XPO7: variants seen among roughly 807,000 people sequenced by gnomAD.
The protein encoded by XPO7 is exportin-7.
A neutral mutation model predicts 144.3 loss-of-function variants in XPO7; 21 were observed. The observed-to-expected ratio is 0.15, with a 90% confidence interval of 0.10 to 0.21. XPO7 has a LOEUF of 0.21. Ranked by LOEUF, XPO7 falls within the 10% of genes least tolerant of loss-of-function variation. The pLI, the probability that XPO7 is intolerant of heterozygous loss-of-function variation, is 1.00. For missense variants in XPO7, 808 were observed against 1,325.8 expected (o/e 0.61, Z 6.06); for synonymous variants, 580 against 499.6 (o/e 1.16, Z -2.15).
intron 1 of XPO7, among the ~76,000 whole-genome samples, chr8:21,953,284 CT>C (rs1397435562): frequency 1.3e-5 from 2 of 152,168 alleles, no homozygotes; most frequent in African/African-American, 2.4e-5. Flanking sequence ...TTCTCCCCCC[CT>C]GCAAACTCCT....
At chr8:21,971,030 C>CT (rs1185160756) in intron 4 of XPO7, among the ~76,000 whole-genome samples, 4 of 152,030 alleles carry the variant, frequency 2.6e-5, no homozygotes, top group South Asian at 2.1e-4. Context: ...ACAGGTGTAG[C>CT]TTTTTAAAAA....
At chr8:22,000,432 T>C (rs1585485315) in intron 24 of XPO7, among the ~76,000 whole-genome samples, 1 of 151,934 alleles carries the variant, frequency 6.6e-6, no homozygotes, top group East Asian at 1.9e-4. Context: ...AACCATTTTG[T>C]TTCTAGGCTA....
rs1226849318 is a variant in XPO7 at position 21,976,476 on chromosome 8, T to C, written c.718T>C (p.Ser240Pro). Residue 240 changes from serine to proline, a missense_variant, in exon 7 of 28, where the codon TCA (serine) becomes CCA (proline). Ser to Pro is a moderately conservative substitution (Grantham distance 74). Coordinates refer to ENST00000252512, the MANE Select transcript of XPO7 (RefSeq NM_015024.5). ...DFIGTSTDES[S>P]DDLCTVQIPT... ...CATCGGCACTTCCACTGATGAGTCC[T>C]CAGACGACCTGTGTACAGTGCAGAT... is the stretch of plus-strand genomic sequence containing the variant. 6.2e-7 allele frequency: 1 copy of C among 1,613,982 alleles called. No homozygotes were observed.
At chr8:21,962,863 A>G (rs1301253805) in intron 1 of XPO7, among the ~76,000 whole-genome samples, 2 of 152,214 alleles carry the variant, frequency 1.3e-5, no homozygotes, top group African/African-American at 4.8e-5. Context: ...CTTATTGACT[A>G]TAAGAATGCC....
chr8:21,998,301 C>T (rs915026115), intron 21 of XPO7, among the ~76,000 whole-genome samples: 8 of 152,196 alleles, frequency 5.3e-5, no homozygotes, highest in African/African-American at 1.9e-4. Flanking sequence ...ATTAGCTGGG[C>T]GTGGTGGCGG....
At chr8:21,926,180 GAAAAC>G (rs1810453253) in intron 1 of XPO7, among the ~76,000 whole-genome samples, 1 of 151,986 alleles carries the variant, frequency 6.6e-6, no homozygotes, top group Admixed American at 6.5e-5. Context: ...TTTTCCTCTG[GAAAAC>G]AATGTTCCTC....
chr8:21,931,724 C>T (rs946904652), intron 1 of XPO7, among the ~76,000 whole-genome samples: 1 of 152,144 alleles, frequency 6.6e-6, no homozygotes, highest in Admixed American at 6.5e-5. Context: ...ATCAATTCTA[C>T]CTTAACTACT....
intron 1 of XPO7, chr8:21,966,198 G>T: frequency 1.4e-6 from 1 of 729,574 alleles, no homozygotes; most frequent in Non-Finnish European, 2.5e-6. Flanking sequence ...GTGAGCATAT[G>T]CTAGGGTTGA....
chr8:21,978,909 G>A (rs1343361619), intron 8 of XPO7, among the ~76,000 whole-genome samples: 3 of 152,184 alleles, frequency 2.0e-5, no homozygotes, highest in Non-Finnish European at 2.9e-5. Context: ...AGAGGGCAAG[G>A]GAGCTTGGCT....
chr8:21,973,572 A>C (rs1015388102), intron 5 of XPO7, among the ~76,000 whole-genome samples: 2 of 152,252 alleles, frequency 1.3e-5, no homozygotes, highest in African/African-American at 4.8e-5. Context: ...CACTATTCTT[A>C]CTTAGAACCT....
chr8:21,997,984 G>C (rs1326789931), intron 21 of XPO7, among the ~76,000 whole-genome samples: 1 of 152,114 alleles, frequency 6.6e-6, no homozygotes, highest in African/African-American at 2.4e-5. Context: ...TCTCTGTCTG[G>C]CTTCTTTTGG....
At chr8:21,965,829 G>C (rs1487363221) in intron 1 of XPO7, among the ~76,000 whole-genome samples, 2 of 152,152 alleles carry the variant, frequency 1.3e-5, no homozygotes, top group East Asian at 1.9e-4. Flanking sequence ...ATTTACACAG[G>C]TTGGTTTAAT....
At chr8:21,953,036 T>G (rs1176157175) in intron 1 of XPO7, among the ~76,000 whole-genome samples, 1 of 44,188 alleles carries the variant, frequency 2.3e-5, no homozygotes, top group East Asian at 4.9e-4. Context: ...TCCCCACCCC[T>G]GCCCCCGCCC....
At chr8:21,942,188 G>A (rs1011686720) in intron 1 of XPO7, among the ~76,000 whole-genome samples, 7 of 152,138 alleles carry the variant, frequency 4.6e-5, no homozygotes, top group Non-Finnish European at 5.9e-5. Flanking sequence ...GTTTAAAGTG[G>A]TGCAGGACTC....
chr8:21,963,136 T>G (rs1194650169), intron 1 of XPO7, among the ~76,000 whole-genome samples: 1 of 152,216 alleles, frequency 6.6e-6, no homozygotes, highest in Admixed American at 6.5e-5. Context: ...GTAAATCTAC[T>G]CTAAGTTTTC....
At chr8:21,940,881 G>GGA in intron 1 of XPO7, among the ~76,000 whole-genome samples, 1 of 152,122 alleles carries the variant, frequency 6.6e-6, no homozygotes, top group East Asian at 1.9e-4. Flanking sequence ...GGATGCATCT[G>GGA]TAGTTTTCAG....
At position 21,989,051 on chromosome 8, in the gene XPO7, G is replaced by A; in HGVS notation, c.1836G>A (p.Lys612=). ...GCCGTTGTGAACCAATCACCTCCAAGACACTACAGCTTCTCAATGACCTGT... is the reference window on the plus strand; with the variant it reads ...GCCGTTGTGAACCAATCACCTCCAAAACACTACAGCTTCTCAATGACCTGT... ...YWGRCEPITS[K]TLQLLNDLSI... Residue 612 remains lysine (K), a synonymous_variant, in exon 16 of 28, where the codon AAG becomes AAA. Transcript: ENST00000252512. 6.2e-7 allele frequency: 1 copy of A among 1,613,558 alleles called. No homozygotes were observed. Among genetic ancestry groups the A allele is most frequent in the South Asian group, 1.1e-5 (1 of 91,054 alleles).
At chr8:21,947,222 A>G (rs1021777831) in intron 1 of XPO7, among the ~76,000 whole-genome samples, 8 of 152,234 alleles carry the variant, frequency 5.3e-5, no homozygotes, top group Non-Finnish European at 1.0e-4. Context: ...ACAGGATACA[A>G]CTGATGGGAG....
chr8:21,981,502 A>AT (rs1021142742), intron 9 of XPO7, among the ~76,000 whole-genome samples: 57 of 152,310 alleles, frequency 3.7e-4, no homozygotes, highest in African/African-American at 1.3e-3. Flanking sequence ...ATCTCATGTG[A>AT]TTATTATTGT....
Sources: allele counts gnomAD v4.1 joint callset (sites outside exome capture counted in the v4.1 genomes callset), GRCh38; gene constraint gnomAD v4.1.1; transcripts MANE v1.5; gene names NCBI Gene and HGNC (gene_info 2026-07-23, HGNC 2026-07-21).